The following NELL1 variants were observed in gnomAD, a reference collection of about 807,000 sequenced individuals.
NELL1 encodes the protein protein kinase C-binding protein NELL1.
In NELL1, 76 loss-of-function variants were observed where a neutral mutation model predicts 107.4. The observed-to-expected ratio is 0.71, with a 90% CI of 0.59 to 0.86. NELL1 has a LOEUF of 0.86. NELL1 is among the 40% of genes least tolerant of loss of function. The pLI is 0.00. For synonymous variants in NELL1, 353 were observed against 341.2 expected (o/e 1.03, Z -0.38); for missense variants, 1,024 against 1,005.5 (o/e 1.02, Z -0.25).
intron 12 of NELL1, among the ~76,000 whole-genome samples, chr11:21,091,318 G>A (rs145838223): frequency 2.3e-3 from 352 of 152,248 alleles, no homozygotes; most frequent in African/African-American, 8.0e-3. Context: ...GTTAAAAACT[G>A]GCCTTTATAT....
chr11:20,694,551 A>G (rs900845270), intron 2 of NELL1, among the ~76,000 whole-genome samples: 2 of 151,914 alleles, frequency 1.3e-5, no homozygotes, highest in Non-Finnish European at 2.9e-5. Flanking sequence ...ATCTTTGTCC[A>G]TTTAGTAAAG....
At chr11:20,994,183 G>A (rs1326871441) in intron 12 of NELL1, among the ~76,000 whole-genome samples, 1 of 150,742 alleles carries the variant, frequency 6.6e-6, no homozygotes, top group Non-Finnish European at 1.5e-5. Context: ...TGAATGCCAG[G>A]TTTGAAAACA....
intron 14 of NELL1, among the ~76,000 whole-genome samples, chr11:21,235,073 G>A (rs1022978278): frequency 3.3e-5 from 5 of 152,190 alleles, no homozygotes; most frequent in African/African-American, 1.2e-4. Flanking sequence ...AGTACTTACA[G>A]CACTCTAGAC....
intron 13 of NELL1, among the ~76,000 whole-genome samples, chr11:21,224,780 C>T (rs1339338628): frequency 6.6e-6 from 1 of 152,138 alleles, no homozygotes; most frequent in Non-Finnish European, 1.5e-5. Flanking sequence ...TTGAATTGTT[C>T]TCTTTCAAGA....
At chr11:20,824,436 G>A (rs146690722) in intron 3 of NELL1, among the ~76,000 whole-genome samples, 1,706 of 151,338 alleles carry the variant, frequency 0.011, 86 homozygotes, top group Non-Finnish European at 0.017. Context: ...CTGAGTAACA[G>A]GCAGGGGTTG....
Position 21,459,357 on chromosome 11 carries a change from C to CAAAAA in NELL1, c.1646-75008_1646-75004dup, listed in dbSNP as rs59022976. Among the ~76,000 whole-genome samples, 60 of 124,588 alleles carry CAAAAA rather than the reference C, an allele frequency of 4.8e-4. 12 individuals carry two copies. Among genetic ancestry groups the CAAAAA allele is most frequent in the African/African-American group, 7.4e-4 (24 of 32,350 alleles). 81.7% of individuals were successfully genotyped at this position (124,588 alleles called of 152,430 possible). A position where few individuals can be genotyped will look rare whatever the true frequency, so the allele number is the denominator to read the frequency against. On this transcript the variant is annotated intron_variant, in intron 15 of 19. Transcript: ENST00000357134. ...TGAAAAGTTACAGTGTGTTCACTAG[C>CAAAAA]AAAAAAAAAAAAAGTAGGATTTGAA...
chr11:20,689,899 C>A (rs1020033179), intron 2 of NELL1, among the ~76,000 whole-genome samples: 5 of 151,138 alleles, frequency 3.3e-5, no homozygotes, highest in Admixed American at 1.3e-4. Context: ...TACAGTCCCA[C>A]CAACAGTGTA....
chr11:21,453,291 G>T (rs993792643), intron 15 of NELL1, among the ~76,000 whole-genome samples: 1 of 151,942 alleles, frequency 6.6e-6, no homozygotes, highest in African/African-American at 2.4e-5. Context: ...TTGAATCTTT[G>T]TTATGTACAT....
At chr11:21,013,827 A>G (rs1449774360) in intron 12 of NELL1, among the ~76,000 whole-genome samples, 4 of 152,102 alleles carry the variant, frequency 2.6e-5, no homozygotes, top group Non-Finnish European at 2.9e-5. Context: ...TCGGGCTACC[A>G]CTTATATTTA....
intron 3 of NELL1, among the ~76,000 whole-genome samples, chr11:20,837,858 A>T (rs1366383026): frequency 6.6e-6 from 1 of 152,166 alleles, no homozygotes; most frequent in African/African-American, 2.4e-5. Context: ...TAAATCTCCC[A>T]TGCAGTAAAA....
intron 16 of NELL1, among the ~76,000 whole-genome samples, chr11:21,536,204 C>T (rs1457224429): frequency 6.6e-6 from 1 of 152,122 alleles, no homozygotes; most frequent in Non-Finnish European, 1.5e-5. Flanking sequence ...GATCCTGTCA[C>T]CAAGGTAGTG....
intron 3 of NELL1, among the ~76,000 whole-genome samples, chr11:20,811,455 A>AT (rs551437189): frequency 7.3e-5 from 11 of 150,986 alleles, no homozygotes; most frequent in East Asian, 5.8e-4. Flanking sequence ...TAATTTTAGG[A>AT]TTTTTTTTTC....
intron 13 of NELL1, among the ~76,000 whole-genome samples, chr11:21,173,479 CTT>C (rs1345603016): frequency 6.6e-6 from 1 of 151,826 alleles, no homozygotes; most frequent in African/African-American, 2.4e-5. Flanking sequence ...TCAGAACACT[CTT>C]AAACTTTAAT....
chr11:20,699,239 A>G (rs1171058985), intron 2 of NELL1, among the ~76,000 whole-genome samples: 1 of 151,954 alleles, frequency 6.6e-6, no homozygotes, highest in African/African-American at 2.4e-5. Context: ...AAAAAACAAA[A>G]CAAACAAAAA....
chr11:21,189,717 T>C (rs1217107494), intron 13 of NELL1, among the ~76,000 whole-genome samples: 1 of 150,966 alleles, frequency 6.6e-6, no homozygotes, highest in Non-Finnish European at 1.5e-5. Flanking sequence ...ACTCTGGTAC[T>C]ATAAGAATTA....
intron 13 of NELL1, among the ~76,000 whole-genome samples, chr11:21,144,712 C>T (rs1480233842): frequency 3.3e-5 from 5 of 152,122 alleles, no homozygotes; most frequent in Non-Finnish European, 7.4e-5. Context: ...GTAGTTACTG[C>T]AGGTAGAAGA....
intron 12 of NELL1, among the ~76,000 whole-genome samples, chr11:21,097,652 G>T (rs561458905): frequency 3.6e-4 from 55 of 152,238 alleles, no homozygotes; most frequent in African/African-American, 1.1e-3. Context: ...GGGAAGCAGG[G>T]TAGGCTGTTT....
At chr11:20,886,501 A>T (rs1590380823) in intron 5 of NELL1, among the ~76,000 whole-genome samples, 1 of 152,250 alleles carries the variant, frequency 6.6e-6, no homozygotes, top group African/African-American at 2.4e-5. Flanking sequence ...CTTATACGAA[A>T]GGAATTCCTT....
Position 21,180,469 on chromosome 11 carries a change from A to G in NELL1, c.1427-48863A>G, listed in dbSNP as rs531395723. ...TTTTGGCCTGTGACATGAATTCTGA[A>G]CAATCAGAAAATGCTTTAAGATCAA... On this transcript the variant is annotated intron_variant, in intron 13 of 19. Transcript: ENST00000357134. Among the ~76,000 whole-genome samples the G allele has an allele frequency of 6.6e-5, 10 of 151,970 alleles. No individual in the cohort carries two copies. In the East Asian group the frequency reaches 1.9e-3, roughly 29 times the overall value.
Sources: gnomAD v4.1 joint callset for allele counts (sites outside exome capture counted in the v4.1 genomes callset) on GRCh38, gnomAD v4.1.1 for gene constraint, MANE v1.5 for transcripts, NCBI Gene and HGNC (gene_info 2026-07-23, HGNC 2026-07-21) for gene names.